Variants in PLA2G4E observed in about 807,000 individuals in gnomAD.
PLA2G4E encodes phospholipase A2 group IVE.
In PLA2G4E, 84 loss-of-function variants were observed where a neutral mutation model predicts 109.1. The observed-to-expected ratio is 0.77, with a 90% CI of 0.65 to 0.92. PLA2G4E has a LOEUF of 0.92. Among genes scored for constraint, PLA2G4E ranks in the 40% least tolerant of loss-of-function variants. The pLI is 0.00. For synonymous variants in PLA2G4E, 469 were observed against 436.1 expected, an observed-to-expected ratio of 1.08 and a Z score of -0.94; for missense variants, 1,057 against 1,076.6, an observed-to-expected ratio of 0.98 and a Z score of 0.25.
At chr15:41,987,785 C>G (rs961297162) in intron 16 of PLA2G4E, among the ~76,000 whole-genome samples, 1 of 152,156 alleles carries the variant, frequency 6.6e-6, no homozygotes, top group Non-Finnish European at 1.5e-5. Flanking sequence ...TGCCCTCCCA[C>G]GTCTTAGGCC....
intron 1 of PLA2G4E, among the ~76,000 whole-genome samples, chr15:42,017,007 G>C (rs1006526665): frequency 6.6e-6 from 1 of 152,212 alleles, no homozygotes; most frequent in Non-Finnish European, 1.5e-5. Flanking sequence ...GGCCTGGTGA[G>C]GAGGCAGGGT....
chr15:41,991,620 G>C (rs2068250130), intron 13 of PLA2G4E, among the ~76,000 whole-genome samples: 1 of 152,188 alleles, frequency 6.6e-6, no homozygotes, highest in African/African-American at 2.4e-5. Context: ...CTGGCATGCA[G>C]GAGGTACTCA....
chr15:41,990,504 T>C (rs1566836018), intron 13 of PLA2G4E, among the ~76,000 whole-genome samples: 1 of 151,934 alleles, frequency 6.6e-6, no homozygotes, highest in African/African-American at 2.4e-5. Flanking sequence ...AGGGTCTTGG[T>C]CTTAGGGGTC....
chr15:41,986,134 G>A (rs1306268682), intron 17 of PLA2G4E, 129 bp from the exon 18 acceptor site: 41 of 891,574 alleles, frequency 4.6e-5, no homozygotes, highest in Non-Finnish European at 6.7e-5. Flanking sequence ...CGCCCACTGA[G>A]TTCCAGTGCC....
intron 1 of PLA2G4E, among the ~76,000 whole-genome samples, chr15:42,026,395 A>T (rs140393570): frequency 2.0e-5 from 3 of 152,364 alleles, no homozygotes; most frequent in Non-Finnish European, 4.4e-5. Context: ...TTCCCATTTC[A>T]TACCATATAA....
intron 11 of PLA2G4E, among the ~76,000 whole-genome samples, chr15:41,996,660 G>C (rs556996416): frequency 6.6e-6 from 1 of 152,348 alleles, no homozygotes; most frequent in East Asian, 1.9e-4. Flanking sequence ...TCTGGCCCTA[G>C]GAGTGCAAGT....
chr15:42,041,377 C>T (rs1256910099), intron 1 of PLA2G4E, among the ~76,000 whole-genome samples: 2 of 152,160 alleles, frequency 1.3e-5, no homozygotes, highest in Admixed American at 6.5e-5. Flanking sequence ...CTCGCACCCA[C>T]CGATGTATCC....
At chr15:42,016,529 G>C (rs1224754710) in intron 1 of PLA2G4E, among the ~76,000 whole-genome samples, 1 of 151,984 alleles carries the variant, frequency 6.6e-6, no homozygotes. Context: ...TAGAGACGCA[G>C]TTTCACCGTG....
intron 2 of PLA2G4E, among the ~76,000 whole-genome samples, chr15:42,011,715 G>C (rs2068537698): frequency 6.6e-6 from 1 of 152,090 alleles, no homozygotes; most frequent in Admixed American, 6.6e-5. Flanking sequence ...GGGCAACAGA[G>C]TGAGACTCTG....
intron 2 of PLA2G4E, among the ~76,000 whole-genome samples, chr15:42,008,598 C>T (rs2068501376): frequency 6.6e-6 from 1 of 152,180 alleles, no homozygotes; most frequent in Non-Finnish European, 1.5e-5. Flanking sequence ...GGCTTTGACC[C>T]CAACAAGCCC....
chr15:42,017,592 C>T (rs1474737249), intron 1 of PLA2G4E, among the ~76,000 whole-genome samples: 1 of 152,220 alleles, frequency 6.6e-6, no homozygotes, highest in East Asian at 1.9e-4. Flanking sequence ...AATGCTACTT[C>T]CCAAGCCTGT....
chr15:42,041,293 G>A (rs553136391), intron 1 of PLA2G4E, among the ~76,000 whole-genome samples: 231 of 150,592 alleles, frequency 1.5e-3, no homozygotes, highest in African/African-American at 5.3e-3. Flanking sequence ...TGAGGGATAG[G>A]GCTTAGAAGT....
rs368592930 is a variant in PLA2G4E, at chr15:41,996,119, G to A, written c.1111-623C>T. Among the ~76,000 whole-genome samples, 78 of 152,130 alleles carry A rather than the reference G, an allele frequency of 5.1e-4. 1 individual carries two copies. In the South Asian group the frequency reaches 0.015, roughly 30 times the overall value. ...CCCAGCACTTTGGGGGGCCGAGGTG[G>A]GCAGATTGCTTAAGCCCAGGAGTTC... On this transcript the variant is annotated intron_variant, in intron 11 of 19. Coordinates refer to ENST00000399518, the Ensembl canonical transcript of PLA2G4E.
intron 1 of PLA2G4E, among the ~76,000 whole-genome samples, chr15:42,041,351 CA>C (rs1190424410): frequency 6.6e-6 from 1 of 152,088 alleles, no homozygotes; most frequent in Non-Finnish European, 1.5e-5. Context: ...ATGGAAATAG[CA>C]GTGCCCCCAT....
intron 1 of PLA2G4E, among the ~76,000 whole-genome samples, chr15:42,044,693 G>C (rs2141079161): frequency 6.6e-6 from 1 of 150,844 alleles, no homozygotes. Flanking sequence ...TAAATGATGA[G>C]TTAATGAGTG....
chr15:42,035,212 C>T (rs1183891813), intron 1 of PLA2G4E, among the ~76,000 whole-genome samples: 2 of 152,210 alleles, frequency 1.3e-5, no homozygotes, highest in African/African-American at 4.8e-5. Flanking sequence ...TTCTTCTCGC[C>T]TCATTTCCAG....
chr15:42,012,110 C>A (rs2068542331), intron 2 of PLA2G4E, among the ~76,000 whole-genome samples: 1 of 152,212 alleles, frequency 6.6e-6, no homozygotes, highest in Non-Finnish European at 1.5e-5. Context: ...TCTCTGGAAT[C>A]CTGCTTGGTC....
chr15:42,005,862 G>T, intron 4 of PLA2G4E, 128 bp downstream of exon 4: 1 of 1,168,112 alleles, frequency 8.6e-7, no homozygotes, highest in South Asian at 1.7e-5. Context: ...ATTTAAACCA[G>T]CAGCACCATC....
intron 19 of PLA2G4E, 54 bp downstream of exon 19, chr15:41,984,382 C>T (rs2068105673): frequency 6.5e-7 from 1 of 1,533,098 alleles, no homozygotes. Flanking sequence ...GATCTAAAGG[C>T]ATTCCCGGGC....
Sources: gnomAD v4.1 joint callset for allele counts (sites outside exome capture counted in the v4.1 genomes callset) on GRCh38, gnomAD v4.1.1 for gene constraint, MANE v1.5 for transcripts, NCBI Gene and HGNC (gene_info 2026-07-23, HGNC 2026-07-21) for gene names.